Variants in SPOCK3 observed in about 807,000 individuals in gnomAD.
SPOCK3 encodes the protein SPARC (osteonectin), cwcv and kazal like domains proteoglycan 3, also known as testican-3.
A neutral mutation model predicts 56.6 loss-of-function variants in SPOCK3; 30 were observed. That is an observed-to-expected ratio of 0.53 (90% confidence interval 0.40 to 0.72). The LOEUF (loss-of-function observed/expected upper bound fraction) is 0.72. Ranked by LOEUF, SPOCK3 falls within the 30% of genes least tolerant of loss-of-function variation. The pLI, the probability that SPOCK3 is intolerant of heterozygous loss-of-function variation, is 0.00. For synonymous variants in SPOCK3, 196 were observed against 183.3 expected (o/e 1.07, Z -0.56); for missense variants, 527 against 530.0 (o/e 0.99, Z 0.06).
chr4:166,835,693 A>G (rs1746533572), intron 6 of SPOCK3, among the ~76,000 whole-genome samples: 1 of 152,152 alleles, frequency 6.6e-6, no homozygotes, highest in African/African-American at 2.4e-5. Flanking sequence ...ATTTCATGAG[A>G]CAATATAAAT....
chr4:167,141,898 CA>C (rs1187818796), intron 2 of SPOCK3, among the ~76,000 whole-genome samples: 5 of 151,804 alleles, frequency 3.3e-5, no homozygotes, highest in African/African-American at 9.7e-5. Context: ...GTAATTAGAA[CA>C]AAGAAAAAAT....
At chr4:166,868,931 G>A (rs989780130) in intron 6 of SPOCK3, among the ~76,000 whole-genome samples, 12 of 152,122 alleles carry the variant, frequency 7.9e-5, no homozygotes, top group East Asian at 3.9e-4. Context: ...TGGCTTCAAC[G>A]AAATTTATAG....
intron 6 of SPOCK3, among the ~76,000 whole-genome samples, chr4:166,879,139 G>T (rs1335530127): frequency 6.6e-6 from 1 of 152,072 alleles, no homozygotes; most frequent in Non-Finnish European, 1.5e-5. Flanking sequence ...GATGGAGAAG[G>T]CAGAAAGACT....
intron 2 of SPOCK3, among the ~76,000 whole-genome samples, chr4:167,159,554 T>C (rs1046538358): frequency 1.3e-5 from 2 of 152,050 alleles, no homozygotes; most frequent in Admixed American, 6.6e-5. Context: ...GCCAGCATCA[T>C]CCTGATACCA....
At chr4:166,736,562 T>G (rs1734233776) in intron 10 of SPOCK3, among the ~76,000 whole-genome samples, 1 of 152,168 alleles carries the variant, frequency 6.6e-6, no homozygotes, top group Admixed American at 6.6e-5. Context: ...TGTTTATCTT[T>G]TTTTAATAGT....
intron 3 of SPOCK3, among the ~76,000 whole-genome samples, chr4:167,010,830 A>G (rs574326456): frequency 1.3e-5 from 2 of 152,144 alleles, no homozygotes; most frequent in Non-Finnish European, 2.9e-5. Context: ...TGGGGGGGAG[A>G]TAAAATGAGG....
At chr4:166,949,242 G>T (rs912266127) in intron 4 of SPOCK3, among the ~76,000 whole-genome samples, 14 of 152,118 alleles carry the variant, frequency 9.2e-5, no homozygotes, top group South Asian at 2.1e-4. Context: ...TTATACATTC[G>T]TCTAAATTTT....
chr4:166,738,527 G>T (rs1035922168), intron 9 of SPOCK3, among the ~76,000 whole-genome samples: 1 of 149,592 alleles, frequency 6.7e-6, no homozygotes, highest in Admixed American at 6.7e-5. Context: ...GTGCAGGTTA[G>T]TTACATATGT....
chr4:166,825,059 T>C (rs1472149723), intron 6 of SPOCK3, among the ~76,000 whole-genome samples: 2 of 152,092 alleles, frequency 1.3e-5, no homozygotes, highest in Admixed American at 1.3e-4. Flanking sequence ...CATTATGTTA[T>C]TCATGATAGT....
chr4:166,886,552 G>A (rs1317448048), intron 6 of SPOCK3, among the ~76,000 whole-genome samples: 1 of 152,052 alleles, frequency 6.6e-6, no homozygotes, highest in Non-Finnish European at 1.5e-5. Context: ...TAGAGAAATA[G>A]AGAAAAACTT....
intron 2 of SPOCK3, among the ~76,000 whole-genome samples, chr4:167,108,918 G>A (rs1317052151): frequency 1.0e-4 from 13 of 126,644 alleles, no homozygotes; most frequent in South Asian, 2.3e-4. Context: ...CTCATATACC[G>A]CACAAATATA....
intron 6 of SPOCK3, among the ~76,000 whole-genome samples, chr4:166,876,994 A>G (rs1733159618): frequency 6.6e-6 from 1 of 152,176 alleles, no homozygotes; most frequent in African/African-American, 2.4e-5. Flanking sequence ...TCAAAATAGT[A>G]AATATTGTCT....
At chr4:166,791,532 T>A (rs1741347617) in intron 7 of SPOCK3, among the ~76,000 whole-genome samples, 1 of 152,190 alleles carries the variant, frequency 6.6e-6, no homozygotes, top group South Asian at 2.1e-4. Context: ...ATAAACACAT[T>A]TTTATACAAA....
In SPOCK3 at chr4:167,193,511, T is replaced by C. The variant is rs900523102; in HGVS notation, c.189+40474A>G. Among the ~76,000 whole-genome samples, 4 of 146,098 alleles carry C rather than the reference T, an allele frequency of 2.7e-5. 1 individual carries two copies. The highest frequency in any genetic ancestry group is 1.0e-4 in the African/African-American group (4 of 38,258). On this transcript the variant is annotated intron_variant, in intron 2 of 10. Coordinates refer to ENST00000357545, the MANE Select transcript of SPOCK3 (RefSeq NM_001040159.2). ...CATAGCTATAGTTAGTTTAATACTT[T>C]TGCCTTTTAACTTTTTAATAAAGTT...
chr4:167,220,701 A>C (rs74690810), intron 2 of SPOCK3, among the ~76,000 whole-genome samples: 1 of 152,080 alleles, frequency 6.6e-6, no homozygotes, highest in East Asian at 1.9e-4. Flanking sequence ...ATTTCTTTTA[A>C]CAGCTATTTC....
At chr4:166,808,938 C>T (rs984372663) in intron 6 of SPOCK3, among the ~76,000 whole-genome samples, 5 of 151,904 alleles carry the variant, frequency 3.3e-5, no homozygotes, top group Non-Finnish European at 7.4e-5. Context: ...ATCAGTACTA[C>T]GAAGACTGAT....
chr4:166,739,902 C>T (rs1218896030), intron 9 of SPOCK3, among the ~76,000 whole-genome samples: 1 of 152,062 alleles, frequency 6.6e-6, no homozygotes, highest in Non-Finnish European at 1.5e-5. Flanking sequence ...AGCTGAACTG[C>T]TAATCTTTCA....
At chr4:167,055,402 C>T (rs188207132) in intron 3 of SPOCK3, among the ~76,000 whole-genome samples, 6 of 152,296 alleles carry the variant, frequency 3.9e-5, no homozygotes, top group African/African-American at 1.4e-4. Context: ...TCTGCATTTC[C>T]ATCTGAGGTA....
At chr4:167,170,699 G>A (rs1561288354) in intron 2 of SPOCK3, among the ~76,000 whole-genome samples, 1 of 152,096 alleles carries the variant, frequency 6.6e-6, no homozygotes. Flanking sequence ...TCTCTATCAA[G>A]TTTTTAAGTT....
Sources: allele counts gnomAD v4.1 joint callset (sites outside exome capture counted in the v4.1 genomes callset), GRCh38; gene constraint gnomAD v4.1.1; transcripts MANE v1.5; gene names NCBI Gene and HGNC (gene_info 2026-07-23, HGNC 2026-07-21).